BTNL2: variants seen among roughly 807,000 people sequenced by gnomAD.
BTNL2 encodes the protein butyrophilin-like protein 2.
BTNL2 carries 46 observed loss-of-function variants against 46.8 expected under a neutral mutation model. The ratio of observed to expected loss-of-function variants is 0.98; its 90% CI spans 0.78 to 1.26. BTNL2 has a LOEUF of 1.26. Ranked by LOEUF, BTNL2 falls within the 50% of genes most tolerant of loss-of-function variation. The probability of loss-of-function intolerance (pLI) is 0.00; values close to 1 mark genes in which losing one functional copy is unlikely to be tolerated. For synonymous variants in BTNL2, 226 were observed against 229.1 expected (o/e 0.99, Z 0.12); for missense variants, 461 against 592.6 (o/e 0.78, Z 2.31).
rs1436296665 is a variant in BTNL2, at chr6:32,399,438, A to G, written c.730+2347T>C. ...AATTAATGCACTATCTCATTTCTCAAATATGCTAAGTTATATCTAATCTCT... is the reference window on the plus strand; with the variant it reads ...AATTAATGCACTATCTCATTTCTCAGATATGCTAAGTTATATCTAATCTCT... On this transcript the variant is annotated intron_variant, in intron 4 of 7. Transcript: ENST00000454136. The surrounding 1 kb of genome is among the most constrained non-coding windows in gnomAD (Gnocchi z 5.2). Among the ~76,000 whole-genome samples, 1 of 152,202 alleles carries G rather than the reference A, an allele frequency of 6.6e-6. No individual in the cohort carries two copies. The highest frequency in any genetic ancestry group is 1.5e-5 in the Non-Finnish European group (1 of 68,056).
Position 32,393,851 on chromosome 6 carries a change from G to A in BTNL2, c.*6+112C>T. 1 of 1,399,258 alleles carries A rather than the reference G, an allele frequency of 7.1e-7. No individual in the cohort carries two copies. Among genetic ancestry groups the A allele is most frequent in the Non-Finnish European group, 9.5e-7 (1 of 1,054,248 alleles). The allele number at this position is 1,399,258 out of a possible 1,614,324, so 86.7% of individuals were successfully genotyped here. A position where few individuals can be genotyped will look rare whatever the true frequency, so the allele number is the denominator to read the frequency against. The stretch of plus-strand genomic sequence containing the variant: ...TGTTTCTCATGTTTCCTTAGTTACT[G>A]GATATTCACTGACTGCCTCCCATAG... On this transcript the variant is annotated intron_variant, in intron 7 of 7. Transcript: ENST00000454136. The surrounding 1 kb of genome is among the most constrained non-coding windows in gnomAD (Gnocchi z 4.8).
At chr6:32,402,876 A>G (rs1028486925) in intron 3 of BTNL2, 59 bp downstream of exon 3, 5 of 1,544,856 alleles carry the variant, frequency 3.2e-6, no homozygotes, top group Non-Finnish European at 4.4e-6. Flanking sequence ...GCTATGGTGC[A>G]GTCCCTGGGA....
In BTNL2 at chr6:32,393,889, A is replaced by G; in HGVS notation, c.*6+74T>C. 6.6e-7 allele frequency: 1 copy of G among 1,503,964 alleles called. No individual in the cohort carries two copies. Among genetic ancestry groups the G allele is most frequent in the Non-Finnish European group, 8.9e-7 (1 of 1,125,394 alleles). 93.2% of individuals were successfully genotyped at this position (1,503,964 alleles called of 1,614,324 possible). ...CTGCCTCCCATAGGTGACTTGTGAAAAGGGAGGCTCGGGGAAGTACGCAGT... is the reference window on the plus strand; with the variant it reads ...CTGCCTCCCATAGGTGACTTGTGAAGAGGGAGGCTCGGGGAAGTACGCAGT... On this transcript the variant is annotated intron_variant, in intron 7 of 7. Transcript: ENST00000454136. The surrounding 1 kb of genome is among the most constrained non-coding windows in gnomAD (Gnocchi z 4.8).
Position 32,405,112 on chromosome 6 carries a change from TCA to T in BTNL2, c.252_253del (p.Glu85AspfsTer64). On this transcript the variant is annotated frameshift_variant, in exon 2 of 8. Transcript: ENST00000454136. LOFTEE classifies it high-confidence loss of function. Reference sequence around the variant, plus strand: ...GCCTCTGTACTCCTCCATCTGCATCTCAGTCACCTCCACTCCATCCCTGTGCA... The same window carrying T: ...GCCTCTGTACTCCTCCATCTGCATCTGTCACCTCCACTCCATCCCTGTGCA... 1 of 1,613,088 alleles carries T rather than the reference TCA, an allele frequency of 6.2e-7. No individual in the cohort carries two copies. Among genetic ancestry groups the T allele is most frequent in the Non-Finnish European group, 8.5e-7 (1 of 1,180,028 alleles).
intron 4 of BTNL2, among the ~76,000 whole-genome samples, chr6:32,397,280 C>A (rs1776507558): frequency 2.0e-5 from 3 of 152,320 alleles, no homozygotes; most frequent in African/African-American, 7.2e-5. Context: ...AGCTGAGTAG[C>A]AGCTGCTGCA....
At chr6:32,400,753 A>AAAAAAACAAAAC (rs1163117768) in intron 4 of BTNL2, among the ~76,000 whole-genome samples, 15 of 89,848 alleles carry the variant, frequency 1.7e-4, no homozygotes, top group Admixed American at 2.5e-4. Context: ...ACTAAAAAAA[A>AAAAAAACAAAAC]AAAAAAAAAA....
intron 4 of BTNL2, among the ~76,000 whole-genome samples, chr6:32,400,926 A>G (rs1776736221): frequency 7.4e-6 from 1 of 135,576 alleles, no homozygotes; most frequent in African/African-American, 2.7e-5. Flanking sequence ...AAAAAAAAAA[A>G]TGCCCGGCGT....
chr6:32,405,150 TGTGCTGG>T lies in BTNL2; in HGVS notation c.209_215del (p.Pro70HisfsTer12). On this transcript the variant is annotated frameshift_variant, in exon 2 of 8. Coordinates refer to ENST00000454136, the MANE Select transcript of BTNL2 (RefSeq NM_001304561.2). LOFTEE classifies it high-confidence loss of function. ...CTCCATCCCTGTGCACAAACACAGG[TGTGCTGG>T]GCTCTGAGCGGTACCACCTCACCTC... is the stretch of plus-strand genomic sequence containing the variant. The T allele has an allele frequency of 6.2e-7, 1 of 1,613,040 alleles. No individual in the cohort carries two copies. Among genetic ancestry groups the T allele is most frequent in the African/African-American group, 1.3e-5 (1 of 75,046 alleles).
rs199650228 is a variant in BTNL2, at chr6:32,394,724, G to A, written c.1360+20C>T. On this transcript the variant is annotated intron_variant, in intron 6 of 7. Coordinates refer to ENST00000454136, the MANE Select transcript of BTNL2 (RefSeq NM_001304561.2). The surrounding 1 kb of genome is among the most constrained non-coding windows in gnomAD (Gnocchi z 4.6). ...TCATATTTATTTTCCAAACCTGAAG[G>A]AACATAAGGAATCACCAACCTGAGA... 583 of 1,602,662 alleles carry A rather than the reference G, an allele frequency of 3.6e-4. 7 individuals are homozygous for A. Among genetic ancestry groups the A allele is most frequent in the Non-Finnish European group, 8.4e-5 (98 of 1,172,434 alleles).
chr6:32,406,932 A>G (rs1046309926), intron 1 of BTNL2, 113 bp downstream of exon 1: 8 of 915,858 alleles, frequency 8.7e-6, no homozygotes, highest in Non-Finnish European at 1.4e-5. Flanking sequence ...TCCTTTTTGG[A>G]TACAGGTGGC....
In BTNL2 at chr6:32,399,920, C is replaced by T. The variant is rs116522341; in HGVS notation, c.730+1865G>A. Among the ~76,000 whole-genome samples, 1 of 152,172 alleles carries T rather than the reference C, an allele frequency of 6.6e-6. No homozygotes were observed. The highest frequency in any genetic ancestry group is 2.4e-5 in the African/African-American group (1 of 41,426). The stretch of plus-strand genomic sequence containing the variant: ...CGTGCCCAGAGCCCTCCTCTCCCAC[C>T]TGACAGGAAGCAAAGGGAAGCTCCA... On this transcript the variant is annotated intron_variant, in intron 4 of 7. Coordinates refer to ENST00000454136, the MANE Select transcript of BTNL2 (RefSeq NM_001304561.2). This position sits in a 1 kb window ranked among gnomAD's most constrained non-coding sequence, Gnocchi z 5.2.
Position 32,402,974 on chromosome 6 carries a change from C to G in BTNL2, c.670G>C (p.Val224Leu). 6.2e-7 allele frequency: 1 copy of G among 1,613,016 alleles called. No individual in the cohort carries two copies. The highest frequency in any genetic ancestry group is 8.5e-7 in the Non-Finnish European group (1 of 1,180,008). ...ACCGACCCCTTCTCCTCAGTGAGGACGGGGTTGTGGACCAAGCAGGACACA... is the reference window on the plus strand; with the variant it reads ...ACCGACCCCTTCTCCTCAGTGAGGAGGGGGTTGTGGACCAAGCAGGACACA... The part of the protein sequence containing the change: ...ESVSCLVHNP[V>L]LTEEKGSVIS... The change falls in exon 3 of 8, where the codon GTC (valine) becomes CTC (leucine). Residue 224 changes from valine to leucine, a missense_variant. Transcript: ENST00000454136.
At position 32,394,324 on chromosome 6, in the gene BTNL2, G is replaced by A. The variant is rs1183886122; in HGVS notation, c.1361-267C>T. 1.3e-5 allele frequency among the ~76,000 whole-genome samples: 2 copies of A among 152,290 alleles called. No homozygotes were observed. Among genetic ancestry groups the A allele is most frequent in the Middle Eastern group, 3.4e-3 (1 of 294 alleles). On this transcript the variant is annotated intron_variant, in intron 6 of 7. Coordinates refer to ENST00000454136, the MANE Select transcript of BTNL2 (RefSeq NM_001304561.2). The surrounding 1 kb of genome is among the most constrained non-coding windows in gnomAD (Gnocchi z 4.6). ...TCACACAATCACTGGAATGACTTGA[G>A]GAGGAAAGGATAAAATTACTCAAGC...
intron 4 of BTNL2, among the ~76,000 whole-genome samples, chr6:32,398,647 G>C (rs1776583780): frequency 6.6e-6 from 1 of 151,698 alleles, no homozygotes; most frequent in Non-Finnish European, 1.5e-5. Flanking sequence ...GTCCGTGTGT[G>C]ACCTGTGCAC....
Position 32,403,065 on chromosome 6 carries a change from G to A in BTNL2, c.579C>T (p.Ile193=). ...EKLLAVSEHR[I]QDKDGLFYAE... ...CATAGAACAGGCCATCTTTATCTTG[G>A]ATGCGATGCTCAGACACGGCCAGCA... is the stretch of plus-strand genomic sequence containing the variant. Residue 193 remains isoleucine, a synonymous_variant, in exon 3 of 8, where the codon ATC becomes ATT. Transcript: ENST00000454136. The A allele has an allele frequency of 6.2e-7, 1 of 1,612,892 alleles. No homozygotes were observed. The highest frequency in any genetic ancestry group is 8.5e-7 in the Non-Finnish European group (1 of 1,179,940).
chr6:32,402,793 G>C (rs1294450782), intron 3 of BTNL2, 142 bp downstream of exon 3: 1 of 915,834 alleles, frequency 1.1e-6, no homozygotes. Context: ...TATATTTCCA[G>C]TCATAAATGT....
At position 32,399,200 on chromosome 6, in the gene BTNL2, G is replaced by A. The variant is rs997757379; in HGVS notation, c.730+2585C>T. Among the ~76,000 whole-genome samples, 10 of 152,034 alleles carry A rather than the reference G, an allele frequency of 6.6e-5. No individual in the cohort carries two copies. Among genetic ancestry groups the A allele is most frequent in the African/African-American group, 2.2e-4 (9 of 41,364 alleles). On this transcript the variant is annotated intron_variant, in intron 4 of 7. Coordinates refer to ENST00000454136, the MANE Select transcript of BTNL2 (RefSeq NM_001304561.2). The surrounding 1 kb of genome is among the most constrained non-coding windows in gnomAD (Gnocchi z 5.2). ...AGTAGTTAACCTCCTTTTTCTATAC[G>A]GTTTTGTACACAGCCTTCCAGACAA...
rs1776280788 is a variant in BTNL2, at chr6:32,394,020, A to G, written c.1398T>C (p.Val466=). Reference sequence around the variant, plus strand: ...CAGCCACAGCAAGAAGCAATCCCCAAACAAGCAGTGTTTTCCACAAAAACG... The same window carrying G: ...CAGCCACAGCAAGAAGCAATCCCCAGACAAGCAGTGTTTTCCACAAAAACG... ...RMTFLWKTLL[V]WGLLLAVAVG... Residue 466 remains valine, a synonymous_variant, in exon 7 of 8, where the codon GTT becomes GTC. Coordinates refer to ENST00000454136, the MANE Select transcript of BTNL2 (RefSeq NM_001304561.2). This position sits in a 1 kb window ranked among gnomAD's most constrained non-coding sequence, Gnocchi z 4.6. 6 of 1,550,284 alleles carry G rather than the reference A, an allele frequency of 3.9e-6. No individual in the cohort carries two copies. Among genetic ancestry groups the G allele is most frequent in the Non-Finnish European group, 5.2e-6 (6 of 1,146,782 alleles).
chr6:32,401,207 C>CAA (rs9279632), intron 4 of BTNL2, among the ~76,000 whole-genome samples: 541 of 38,914 alleles, frequency 0.014, 122 homozygotes, highest in African/African-American at 0.02. Flanking sequence ...GACTCCGTCT[C>CAA]AAAAAAAAAA....
Sources: gnomAD v4.1 joint callset for allele counts (sites outside exome capture counted in the v4.1 genomes callset) on GRCh38, gnomAD v4.1.1 for gene constraint, Gnocchi (gnomAD v3.1) non-coding constraint, MANE v1.5 for transcripts, NCBI Gene and HGNC (gene_info 2026-07-23, HGNC 2026-07-21) for gene names.